The following RNF150 variants were observed in gnomAD, a reference collection of about 807,000 sequenced individuals.
RNF150 encodes ring finger protein 150.
Under a neutral mutation model 39.3 loss-of-function variants are expected in RNF150, and 24 were observed. That is an observed-to-expected ratio of 0.61 (90% CI 0.44 to 0.86). RNF150 has a LOEUF of 0.86. Among genes scored for constraint, RNF150 ranks in the 40% least tolerant of loss-of-function variants. The pLI is 0.00. For missense variants in RNF150, 502 were observed against 587.8 expected, an observed-to-expected ratio of 0.85 and a Z score of 1.51; for synonymous variants, 255 against 227.3, an observed-to-expected ratio of 1.12 and a Z score of -1.10.
chr4:140,901,719 A>G (rs1180153118), intron 6 of RNF150, among the ~76,000 whole-genome samples: 3 of 152,332 alleles, frequency 2.0e-5, no homozygotes, highest in South Asian at 4.1e-4. Context: ...TAAGGGGGTA[A>G]CTGGCGATTT....
intron 1 of RNF150, among the ~76,000 whole-genome samples, chr4:141,131,319 CCA>C (rs1313004407): frequency 6.6e-6 from 1 of 152,278 alleles, no homozygotes; most frequent in Admixed American, 6.5e-5. Flanking sequence ...GCACTGGATG[CCA>C]CAGTCTCGGC....
intron 1 of RNF150, among the ~76,000 whole-genome samples, chr4:141,080,920 G>T (rs1322610092): frequency 2.0e-5 from 3 of 152,200 alleles, no homozygotes; most frequent in African/African-American, 7.2e-5. Context: ...TGGGCCGAAT[G>T]TGAGAAGTCT....
intron 4 of RNF150, among the ~76,000 whole-genome samples, chr4:140,946,753 G>A (rs905326692): frequency 6.6e-6 from 1 of 152,140 alleles, no homozygotes; most frequent in African/African-American, 2.4e-5. Context: ...CGATCCTCCT[G>A]TCTTGGACTC....
chr4:141,147,701 G>T (rs62324906), intron 1 of RNF150, among the ~76,000 whole-genome samples: 3,632 of 152,236 alleles, frequency 0.024, 76 homozygotes, highest in Non-Finnish European at 0.038. Context: ...TACAAGGGTA[G>T]ACTCTGCCTC....
chr4:141,015,140 T>C (rs1735223580), intron 1 of RNF150, among the ~76,000 whole-genome samples: 1 of 152,150 alleles, frequency 6.6e-6, no homozygotes, highest in African/African-American at 2.4e-5. Flanking sequence ...AAGGTGTGGG[T>C]TTATTTCTTC....
chr4:140,938,501 A>AC (rs1292042877), intron 4 of RNF150, among the ~76,000 whole-genome samples: 13 of 152,256 alleles, frequency 8.5e-5, no homozygotes, highest in Non-Finnish European at 1.8e-4. Flanking sequence ...GAGGCTATGA[A>AC]CTACCAGGGG....
At chr4:141,089,412 G>C (rs1295549327) in intron 1 of RNF150, among the ~76,000 whole-genome samples, 3 of 152,124 alleles carry the variant, frequency 2.0e-5, no homozygotes, top group African/African-American at 7.2e-5. Flanking sequence ...CAGCCAACTG[G>C]GGGGAGGGGG....
Position 140,911,233 on chromosome 4 carries a change from T to A in RNF150, c.1109A>T (p.Asp370Val). 15 of 1,614,102 alleles carry A rather than the reference T, an allele frequency of 9.3e-6. No homozygotes were observed. Among genetic ancestry groups the A allele is most frequent in the Non-Finnish European group, 1.3e-5 (15 of 1,180,012 alleles). ...TTVNESSVTL[D>V]PAVRTVGALQ... The stretch of plus-strand genomic sequence containing the variant: ...GGCTCCCACAGTCCGGACAGCAGGG[T>A]CCAAAGTGACTGAACTTTCATTCAC... Residue 370 changes from aspartate to valine, a missense_variant, in exon 6 of 7, where the codon GAC (aspartate) becomes GTC (valine). By Grantham distance (152) the Asp-to-Val change is radical. Coordinates refer to ENST00000515673, the MANE Select transcript of RNF150 (RefSeq NM_020724.2).
chr4:141,169,725 C>A (rs1727666470), intron 1 of RNF150, among the ~76,000 whole-genome samples: 1 of 151,708 alleles, frequency 6.6e-6, no homozygotes. Context: ...TCATTTTCAC[C>A]TTTTAGGTCT....
At chr4:141,129,262 C>T (rs557474547) in intron 1 of RNF150, among the ~76,000 whole-genome samples, 5 of 152,222 alleles carry the variant, frequency 3.3e-5, no homozygotes, top group East Asian at 1.9e-4. Flanking sequence ...ATCCATACAA[C>T]GAAATATTAT....
At chr4:140,958,856 CAT>C (rs1732894030) in intron 2 of RNF150, among the ~76,000 whole-genome samples, 1 of 152,150 alleles carries the variant, frequency 6.6e-6, no homozygotes, top group African/African-American at 2.4e-5. Flanking sequence ...GTCATCATGA[CAT>C]GTGTTAAATG....
At chr4:141,192,719 C>T (rs1353398983) in intron 1 of RNF150, among the ~76,000 whole-genome samples, 1 of 152,162 alleles carries the variant, frequency 6.6e-6, no homozygotes. Flanking sequence ...ACCAACAACA[C>T]CCTGCCAGGG....
chr4:140,868,457 TA>T, intron 6 of RNF150, 78 bp from the exon 7 acceptor site: 1 of 821,010 alleles, frequency 1.2e-6, no homozygotes, highest in South Asian at 1.5e-5. Context: ...CAATTGCTTG[TA>T]ATAACATTTC....
chr4:141,029,377 T>C (rs2110817974), intron 1 of RNF150, among the ~76,000 whole-genome samples: 1 of 152,324 alleles, frequency 6.6e-6, no homozygotes, highest in Middle Eastern at 3.4e-3. Context: ...AACTCAGGAT[T>C]TGGCATATGA....
At chr4:141,142,564 G>T (rs1046918405) in intron 1 of RNF150, among the ~76,000 whole-genome samples, 6 of 152,192 alleles carry the variant, frequency 3.9e-5, no homozygotes, top group Non-Finnish European at 8.8e-5. Flanking sequence ...CCTTTACCCA[G>T]TATATTCTGG....
At chr4:140,966,414 T>C (rs1733245321) in intron 2 of RNF150, among the ~76,000 whole-genome samples, 1 of 151,992 alleles carries the variant, frequency 6.6e-6, no homozygotes, top group African/African-American at 2.4e-5. Flanking sequence ...ATGGATAAAA[T>C]AAAAGACAAT....
intron 1 of RNF150, among the ~76,000 whole-genome samples, chr4:141,095,858 T>A (rs2111021051): frequency 6.6e-6 from 1 of 152,344 alleles, no homozygotes; most frequent in African/African-American, 2.4e-5. Context: ...TCTTAATAAT[T>A]TAGTTAGGAT....
intron 1 of RNF150, among the ~76,000 whole-genome samples, chr4:141,035,543 G>A (rs1323107155): frequency 6.6e-6 from 1 of 152,130 alleles, no homozygotes; most frequent in African/African-American, 2.4e-5. Context: ...TAAATCCCAT[G>A]CAAGGACACT....
chr4:141,126,540 T>C (rs1359728419), intron 1 of RNF150, among the ~76,000 whole-genome samples: 1 of 152,114 alleles, frequency 6.6e-6, no homozygotes, highest in East Asian at 1.9e-4. Context: ...CACTGTGACC[T>C]TGGGGTTGAG....
Sources: allele counts gnomAD v4.1 joint callset (sites outside exome capture counted in the v4.1 genomes callset), GRCh38; gene constraint gnomAD v4.1.1; transcripts MANE v1.5; gene names NCBI Gene and HGNC (gene_info 2026-07-23, HGNC 2026-07-21).